The following FOXP1 variants were observed in gnomAD, a reference collection of about 807,000 sequenced individuals.
FOXP1 encodes the protein forkhead box protein P1.
FOXP1 carries 15 observed loss-of-function variants against 98.2 expected under a neutral mutation model. The ratio of observed to expected loss-of-function variants is 0.15; its 90% CI spans 0.10 to 0.24. The LOEUF is 0.24. Ranked by LOEUF, FOXP1 falls within the 10% of genes least tolerant of loss-of-function variation. The probability of loss-of-function intolerance (pLI) is 1.00; values close to 1 mark genes in which losing one functional copy is unlikely to be tolerated. For missense variants in FOXP1, 633 were observed against 848.5 expected (o/e 0.75, Z 3.15); for synonymous variants, 371 against 314.5 (o/e 1.18, Z -1.90).
At chr3:71,227,641 T>C (rs770480417) in intron 5 of FOXP1, among the ~76,000 whole-genome samples, 3 of 152,132 alleles carry the variant, frequency 2.0e-5, no homozygotes, top group African/African-American at 4.8e-5. Flanking sequence ...TAAACTTGTC[T>C]TGTTCTCTTA....
At chr3:71,315,515 T>C (rs1396984295) in intron 4 of FOXP1, among the ~76,000 whole-genome samples, 1 of 151,974 alleles carries the variant, frequency 6.6e-6, no homozygotes, top group Non-Finnish European at 1.5e-5. Flanking sequence ...GACTACTAAG[T>C]GGAAGGAATA....
At chr3:71,315,883 T>C (rs1264294715) in intron 4 of FOXP1, among the ~76,000 whole-genome samples, 1 of 152,232 alleles carries the variant, frequency 6.6e-6, no homozygotes, top group East Asian at 1.9e-4. Flanking sequence ...TACTTTCTCC[T>C]ATGAAGTCCT....
At chr3:71,456,652 C>T (rs2087537645) in intron 3 of FOXP1, among the ~76,000 whole-genome samples, 1 of 152,150 alleles carries the variant, frequency 6.6e-6, no homozygotes, top group East Asian at 1.9e-4. Flanking sequence ...AGGATAAGAG[C>T]AGTTCCTACT....
At chr3:71,581,782 G>A (rs1471119518) in intron 1 of FOXP1, 85 bp from the exon 2 acceptor site, 38 of 985,824 alleles carry the variant, frequency 3.9e-5, no homozygotes, top group Non-Finnish European at 4.6e-5. Flanking sequence ...GGACGGGTGA[G>A]TAGGCCGAGG....
At chr3:71,447,852 T>C (rs550128061) in intron 3 of FOXP1, among the ~76,000 whole-genome samples, 4 of 152,282 alleles carry the variant, frequency 2.6e-5, no homozygotes, top group South Asian at 2.1e-4. Flanking sequence ...ATTTCAACAT[T>C]TGCAAGTATA....
chr3:71,078,116 A>T (rs1287342291), intron 7 of FOXP1, among the ~76,000 whole-genome samples: 1 of 150,520 alleles, frequency 6.6e-6, no homozygotes. Flanking sequence ...ACAGGCATGA[A>T]CCACCCCGCC....
chr3:71,371,404 G>C (rs1054679848), intron 3 of FOXP1, among the ~76,000 whole-genome samples: 2 of 152,140 alleles, frequency 1.3e-5, no homozygotes, highest in African/African-American at 4.8e-5. Flanking sequence ...GAACACACCT[G>C]ACACCGCAAT....
intron 3 of FOXP1, among the ~76,000 whole-genome samples, chr3:71,464,262 C>T (rs954163954): frequency 3.3e-5 from 5 of 152,092 alleles, no homozygotes; most frequent in African/African-American, 1.2e-4. Context: ...GGCGACAGAA[C>T]GAGATCCTGT....
intron 3 of FOXP1, among the ~76,000 whole-genome samples, chr3:71,461,710 G>A (rs1161191924): frequency 6.6e-6 from 1 of 151,770 alleles, no homozygotes; most frequent in Non-Finnish European, 1.5e-5. Flanking sequence ...CTGAGGCAGA[G>A]AACTGCTTGA....
intron 6 of FOXP1, among the ~76,000 whole-genome samples, chr3:71,127,729 A>G (rs1445777971): frequency 6.6e-6 from 1 of 152,178 alleles, no homozygotes; most frequent in Non-Finnish European, 1.5e-5. Flanking sequence ...ACAACAGGAC[A>G]TTTTCCCACC....
rs182430149 is a variant in FOXP1 at position 71,363,397 on chromosome 3, A to T, written c.-167-4153T>A. Among the ~76,000 whole-genome samples the T allele has an allele frequency of 1.3e-4, 20 of 152,312 alleles. 1 individual carries two copies. In the East Asian group the frequency reaches 2.9e-3, roughly 22 times the overall value. On this transcript the variant is annotated intron_variant, in intron 3 of 20. Coordinates refer to ENST00000649528, the MANE Select transcript of FOXP1 (RefSeq NM_001349338.3). ...GAAGGAAAATGTCACTGCATGCAAC[A>T]TTTCTTAAGTATGTATTCCTAAACT...
chr3:71,441,279 G>A (rs532812682), intron 3 of FOXP1, among the ~76,000 whole-genome samples: 32 of 152,356 alleles, frequency 2.1e-4, no homozygotes, highest in African/African-American at 7.5e-4. Context: ...ATGTGGAAAT[G>A]TCTGGAGACA....
At chr3:71,536,464 C>G (rs1417786276) in intron 2 of FOXP1, among the ~76,000 whole-genome samples, 2 of 152,044 alleles carry the variant, frequency 1.3e-5, no homozygotes, top group Non-Finnish European at 2.9e-5. Flanking sequence ...TCACACAGTC[C>G]AAACTACTAG....
intron 6 of FOXP1, among the ~76,000 whole-genome samples, chr3:71,122,145 C>T (rs1005966092): frequency 6.6e-6 from 1 of 152,184 alleles, no homozygotes; most frequent in Non-Finnish European, 1.5e-5. Context: ...CTTTCTCAAA[C>T]AAATATGGTA....
chr3:71,062,667 C>T (rs775522838), intron 7 of FOXP1, among the ~76,000 whole-genome samples: 2 of 152,158 alleles, frequency 1.3e-5, no homozygotes, highest in Non-Finnish European at 2.9e-5. Flanking sequence ...ACCTAAATTA[C>T]TCGGATTAGA....
At chr3:71,088,811 A>T (rs1186871280) in intron 7 of FOXP1, among the ~76,000 whole-genome samples, 1 of 152,172 alleles carries the variant, frequency 6.6e-6, no homozygotes, top group East Asian at 1.9e-4. Flanking sequence ...CGCTGGAGGA[A>T]ATTTGCATAA....
chr3:71,042,558 C>T (rs993477029), intron 10 of FOXP1, among the ~76,000 whole-genome samples: 1 of 152,032 alleles, frequency 6.6e-6, no homozygotes, highest in Non-Finnish European at 1.5e-5. Context: ...GGAGGAACAC[C>T]GAAAAGAAAA....
chr3:71,518,292 G>A (rs2042726236), intron 2 of FOXP1, among the ~76,000 whole-genome samples: 3 of 152,150 alleles, frequency 2.0e-5, no homozygotes, highest in Non-Finnish European at 2.9e-5. Flanking sequence ...ACCCTTGTTA[G>A]GCAAACAGAA....
intron 3 of FOXP1, among the ~76,000 whole-genome samples, chr3:71,377,762 A>T (rs1266279150): frequency 3.3e-5 from 5 of 152,248 alleles, no homozygotes; most frequent in Non-Finnish European, 7.3e-5. Context: ...TTTTGAAATT[A>T]AGAACATCTT....
Sources: gnomAD v4.1 joint callset for allele counts (sites outside exome capture counted in the v4.1 genomes callset) on GRCh38, gnomAD v4.1.1 for gene constraint, MANE v1.5 for transcripts, NCBI Gene and HGNC (gene_info 2026-07-23, HGNC 2026-07-21) for gene names.